Variants in DCP1A observed in about 807,000 individuals in gnomAD.
The protein encoded by DCP1A is decapping mRNA 1A, also known as mRNA-decapping enzyme 1A.
DCP1A carries 20 observed loss-of-function variants against 58.0 expected under a neutral mutation model. The observed-to-expected ratio is 0.34, with a 90% CI of 0.24 to 0.50. The LOEUF is 0.50. DCP1A is among the 20% of genes least tolerant of loss of function. The pLI, the probability that DCP1A is intolerant of heterozygous loss-of-function variation, is 0.98. For synonymous variants in DCP1A, 285 were observed against 275.1 expected (o/e 1.04, Z -0.36); for missense variants, 613 against 712.2 (o/e 0.86, Z 1.59).
At position 53,347,440 on chromosome 3, in the gene DCP1A, G is replaced by A. The variant is rs2089307031; in HGVS notation, c.78C>T (p.Ile26=). The A allele has an allele frequency of 6.2e-7, 1 of 1,613,628 alleles. No homozygotes were observed. Among genetic ancestry groups the A allele is most frequent in the East Asian group, 2.2e-5 (1 of 44,796 alleles). ...LKQHDPYITS[I]ADLTGQVALY... ...GAGCGACCTGGCCCGTGAGGTCTGC[G>A]ATGCTGGTGATATAGGGGTCGTGTT... Residue 26 remains isoleucine, a synonymous_variant, in exon 1 of 10, where the codon ATC becomes ATT. Transcript: ENST00000610213.
chr3:53,292,389 G>C lies in DCP1A; in HGVS notation c.1063C>G (p.Leu355Val). Residue 355 changes from leucine to valine, a missense_variant, in exon 7 of 10, where the codon CTC becomes GTC. By Grantham distance (32) the Leu-to-Val change is conservative (BLOSUM62 1). Around this residue, in one of 3 missense-constraint regions of DCP1A, gnomAD observed 498 missense variants for 556.7 expected, o/e 0.89. Transcript: ENST00000610213. ...VKTTPRQRSP[L>V]LNQPVPELSH... ...AGCTCAGGGACTGGCTGGTTCAGGA[G>C]TGGAGACCTCTGTCTAGGCGTGGTC... is the stretch of plus-strand genomic sequence containing the variant. 1 of 1,613,684 alleles carries C rather than the reference G, an allele frequency of 6.2e-7. No individual in the cohort carries two copies. The highest frequency in any genetic ancestry group is 2.2e-5 in the East Asian group (1 of 44,874).
At chr3:53,303,276 T>A (rs1005049163) in intron 6 of DCP1A, among the ~76,000 whole-genome samples, 1 of 151,494 alleles carries the variant, frequency 6.6e-6, no homozygotes, top group African/African-American at 2.4e-5. Flanking sequence ...TATTATTTTT[T>A]TCTTCCTTGA....
At chr3:53,294,559 G>T (rs1707050733) in intron 6 of DCP1A, among the ~76,000 whole-genome samples, 1 of 152,210 alleles carries the variant, frequency 6.6e-6, no homozygotes, top group Admixed American at 6.5e-5. Context: ...TTCATTTTGG[G>T]TTATTAAAAC....
At chr3:53,324,314 A>G (rs1157798371) in intron 3 of DCP1A, among the ~76,000 whole-genome samples, 1 of 152,230 alleles carries the variant, frequency 6.6e-6, no homozygotes, top group East Asian at 1.9e-4. Flanking sequence ...GTCTGCCAAC[A>G]TATCAAACGG....
chr3:53,300,432 G>C (rs1291386443), intron 6 of DCP1A, among the ~76,000 whole-genome samples: 1 of 151,510 alleles, frequency 6.6e-6, no homozygotes, highest in East Asian at 1.9e-4. Flanking sequence ...CCGCCTCCCG[G>C]GTTCAAGCGA....
chr3:53,310,821 C>A (rs1368330620), intron 5 of DCP1A, among the ~76,000 whole-genome samples: 1 of 152,190 alleles, frequency 6.6e-6, no homozygotes, highest in South Asian at 2.1e-4. Flanking sequence ...TTTCTCCACC[C>A]TGGAGGTGGG....
At chr3:53,307,327 G>A (rs1210778950) in intron 5 of DCP1A, among the ~76,000 whole-genome samples, 5 of 152,072 alleles carry the variant, frequency 3.3e-5, no homozygotes, top group South Asian at 4.1e-4. Flanking sequence ...ATATGCCACT[G>A]CCCCAAGCCC....
chr3:53,322,129 A>G (rs1362080864), intron 3 of DCP1A, among the ~76,000 whole-genome samples: 1 of 152,104 alleles, frequency 6.6e-6, no homozygotes, highest in Admixed American at 6.6e-5. Context: ...TTATTCCACA[A>G]AAGACTTCAT....
At chr3:53,313,572 C>A (rs79828118) in intron 4 of DCP1A, among the ~76,000 whole-genome samples, 2,959 of 152,122 alleles carry the variant, frequency 0.019, 99 homozygotes, top group African/African-American at 0.067. Flanking sequence ...CTATATTTTT[C>A]TTCAAGCTTT....
At chr3:53,337,103 C>T (rs576071571) in intron 3 of DCP1A, among the ~76,000 whole-genome samples, 5 of 152,156 alleles carry the variant, frequency 3.3e-5, no homozygotes, top group South Asian at 4.2e-4. Context: ...AACTCCTGAC[C>T]GCAGGTGATC....
In DCP1A at chr3:53,346,334, A is replaced by G. The variant is rs188017230; in HGVS notation, c.135+1049T>C. On this transcript the variant is annotated intron_variant, in intron 1 of 9. Coordinates refer to ENST00000610213, the MANE Select transcript of DCP1A (RefSeq NM_018403.7). ...CTGAATTAACTGTTCATAAATGCCA[A>G]ATGATTTTCGATAAATTACTGATAA... Among the ~76,000 whole-genome samples, 5 of 152,354 alleles carry G rather than the reference A, an allele frequency of 3.3e-5. No homozygotes were observed. The East Asian group carries it at 9.6e-4, about 29-fold the overall frequency.
rs1402187227 is a variant in DCP1A, at chr3:53,292,443, G to C, written c.1009C>G (p.Arg337Gly). Reference sequence around the variant, plus strand: ...ACTGCCTGCATCATGGTGCTGTTTCGAGGTAAGCTGGGGGGAACCTGTGCA... The same window carrying C: ...ACTGCCTGCATCATGGTGCTGTTTCCAGGTAAGCTGGGGGGAACCTGTGCA... Reference protein sequence around the residue: ...PTAQVPPSLPRNSTMMQAVKT... With the variant: ...PTAQVPPSLPGNSTMMQAVKT... Residue 337 changes from arginine to glycine, a missense_variant, in exon 7 of 10, where the codon CGA (arginine) becomes GGA (glycine). Transcript: ENST00000610213. The C allele has an allele frequency of 1.9e-6, 3 of 1,613,986 alleles. No homozygotes were observed. Among genetic ancestry groups the C allele is most frequent in the East Asian group, 2.2e-5 (1 of 44,882 alleles).
rs184468722 is a variant in DCP1A, at chr3:53,299,058, C to T, written c.624+5119G>A. Among the ~76,000 whole-genome samples the T allele has an allele frequency of 1.0e-3, 152 of 152,254 alleles. 1 individual carries two copies. The highest frequency in any genetic ancestry group is 2.4e-3 in the Admixed American group (36 of 15,292). ...AAGTATAAATACACTCTATGATGTT[C>T]GGAGAATGAAATCGCCTAATGACAC... On this transcript the variant is annotated intron_variant, in intron 6 of 9. Transcript: ENST00000610213.
At chr3:53,314,037 T>C (rs964137544) in intron 4 of DCP1A, among the ~76,000 whole-genome samples, 19 of 151,980 alleles carry the variant, frequency 1.3e-4, no homozygotes, top group East Asian at 7.8e-4. Context: ...AACCCACCCA[T>C]TGAATTTTTG....
At chr3:53,329,919 TTGG>T (rs2088955397) in intron 3 of DCP1A, among the ~76,000 whole-genome samples, 1 of 152,202 alleles carries the variant, frequency 6.6e-6, no homozygotes, top group Non-Finnish European at 1.5e-5. Context: ...ATCATTGTTT[TTGG>T]TTAAAACTAC....
At position 53,288,140 on chromosome 3, in the gene DCP1A, C is replaced by A. The variant is rs199734826; in HGVS notation, c.1593G>T (p.Thr531=). ...TGGAAGGCTTTCTCTGACTTTCTGG[C>A]GTTCCAATAGTTAGAGGAGAAGGGG... is the stretch of plus-strand genomic sequence containing the variant. The part of the protein sequence containing the change: ...ASSPSPLTIG[T]PESQRKPSII... The change falls in exon 9 of 10, where the codon ACG becomes ACT. Residue 531 remains threonine, a synonymous_variant. Coordinates refer to ENST00000610213, the MANE Select transcript of DCP1A (RefSeq NM_018403.7). 5.8e-4 allele frequency: 938 copies of A among 1,613,862 alleles called. 1 individual carries two copies. Among genetic ancestry groups the A allele is most frequent in the Non-Finnish European group, 7.0e-4 (821 of 1,179,892 alleles).
intron 3 of DCP1A, among the ~76,000 whole-genome samples, chr3:53,332,525 T>G (rs1553691432): frequency 1.3e-5 from 2 of 152,200 alleles, no homozygotes; most frequent in African/African-American, 2.4e-5. Flanking sequence ...TTTTTATGGT[T>G]GTTGTTATAG....
chr3:53,319,901 G>A (rs576491974), intron 3 of DCP1A, among the ~76,000 whole-genome samples: 2 of 152,144 alleles, frequency 1.3e-5, no homozygotes, highest in South Asian at 4.1e-4. Context: ...AGGCTGAGGT[G>A]GGCGGATCAC....
intron 4 of DCP1A, among the ~76,000 whole-genome samples, chr3:53,316,190 G>T (rs1489850724): frequency 6.6e-6 from 1 of 152,152 alleles, no homozygotes; most frequent in Non-Finnish European, 1.5e-5. Context: ...AACAAGAACT[G>T]TGCTAGTATT....
Sources: allele counts gnomAD v4.1 joint callset (sites outside exome capture counted in the v4.1 genomes callset), GRCh38; gene constraint gnomAD v4.1.1; regional missense constraint gnomAD v4.1.1; transcripts MANE v1.5; gene names NCBI Gene and HGNC (gene_info 2026-07-23, HGNC 2026-07-21).